CD300E: variants seen among roughly 807,000 people sequenced by gnomAD.
The protein encoded by CD300E is CD300e molecule, also known as CMRF35-like molecule 2.
A neutral mutation model predicts 20.9 loss-of-function variants in CD300E; 14 were observed. That is an observed-to-expected ratio of 0.67 (90% confidence interval 0.44 to 1.05). The LOEUF (loss-of-function observed/expected upper bound fraction) is 1.05, where lower values mean the gene tolerates loss of function less well. Among genes scored for constraint, CD300E ranks in the 50% least tolerant of loss-of-function variants. CD300E has a pLI of 0.00. For synonymous variants in CD300E, 102 were observed against 103.7 expected (o/e 0.98, Z 0.10); for missense variants, 237 against 253.9 (o/e 0.93, Z 0.45).
chr17:74,617,349 G>A lies in CD300E; in HGVS notation c.157C>T (p.Gln53Ter), dbSNP rs1277967401. Residue 53 changes from glutamine to a stop codon, truncating the protein, a stop_gained, in exon 2 of 4, where the codon CAG (glutamine) becomes TAG (stop). Transcript: ENST00000392619. LOFTEE classifies it high-confidence loss of function. ...ATGCTCTCACATGACGTGTCGTACT[G>A]TCCTCGGCACCAGTACTTGTTATAT... ...KGYNKYWCRG[Q>*]YDTSCESIVE... The A allele has an allele frequency of 1.2e-6, 2 of 1,614,000 alleles. No homozygotes were observed. The highest frequency in any genetic ancestry group is 3.3e-5 in the Admixed American group (2 of 59,990).
At chr17:74,613,024 C>T (rs931708140) in intron 3 of CD300E, among the ~76,000 whole-genome samples, 10 of 152,194 alleles carry the variant, frequency 6.6e-5, no homozygotes, top group African/African-American at 1.9e-4. Flanking sequence ...TCCAGGAGTG[C>T]GCTCCACAGC....
intron 1 of CD300E, chr17:74,619,262 T>C: frequency 2.4e-6 from 1 of 408,380 alleles, no homozygotes; most frequent in Admixed American, 2.6e-5. Flanking sequence ...AGCCGGGGCC[T>C]GCTTGTGCTG....
chr17:74,612,871 T>C (rs980501263), intron 3 of CD300E, 98 bp from the exon 4 acceptor site: 1 of 1,511,144 alleles, frequency 6.6e-7, no homozygotes. Context: ...GGAGCCCAAA[T>C]AACCCAGGAG....
rs1418736088 is a variant in CD300E at position 74,611,524 on chromosome 17, G to A, written c.*1129C>T. 2.0e-5 allele frequency: 3 copies of A among 152,272 alleles called. No individual in the cohort carries two copies. Among genetic ancestry groups the A allele is most frequent in the African/African-American group, 7.2e-5 (3 of 41,450 alleles). 9.4% of individuals were successfully genotyped at this position (152,272 alleles called of 1,614,324 possible). ...CAGAAAACCAACTGAGCTCATTCCCGAGCCAGGGGTCACCAGTAGTGGTGA... is the reference window on the plus strand; with the variant it reads ...CAGAAAACCAACTGAGCTCATTCCCAAGCCAGGGGTCACCAGTAGTGGTGA... On this transcript the variant is annotated 3_prime_UTR_variant, in exon 4 of 4. Coordinates refer to ENST00000392619, the MANE Select transcript of CD300E (RefSeq NM_181449.3).
chr17:74,613,897 C>T (rs760695257), intron 3 of CD300E, 28 bp downstream of exon 3: 1 of 1,555,022 alleles, frequency 6.4e-7, no homozygotes, highest in South Asian at 1.1e-5. Context: ...GTTGCTCCCT[C>T]CATGGCCTCC....
chr17:74,623,716 G>T lies in CD300E; in HGVS notation c.-95C>A. Reference sequence around the variant, plus strand: ...AGCCTGGGTCATCCACTTTCTACTTGTCCAAGTTTCCTTTGTGTTCTCACT... The same window carrying T: ...AGCCTGGGTCATCCACTTTCTACTTTTCCAAGTTTCCTTTGTGTTCTCACT... On this transcript the variant is annotated 5_prime_UTR_variant, in exon 1 of 4. Transcript: ENST00000392619. 1.5e-6 allele frequency: 2 copies of T among 1,329,072 alleles called. No individual in the cohort carries two copies. Among genetic ancestry groups the T allele is most frequent in the South Asian group, 1.2e-5 (1 of 85,292 alleles). The allele number at this position is 1,329,072 out of a possible 1,614,324, so 82.3% of individuals were successfully genotyped here.
At chr17:74,619,549 A>T (rs753553708) in intron 1 of CD300E, among the ~76,000 whole-genome samples, 1 of 151,978 alleles carries the variant, frequency 6.6e-6, no homozygotes, top group Non-Finnish European at 1.5e-5. Flanking sequence ...CACTCTCCTG[A>T]TTACAACCTG....
At position 74,612,574 on chromosome 17, in the gene CD300E, C is replaced by T; in HGVS notation, c.*79G>A. Reference sequence around the variant, plus strand: ...CCCTCCAGAGTCCACAGGTCTCTCGCATCCAGTCTGAAAGGTTGACTCCCT... The same window carrying T: ...CCCTCCAGAGTCCACAGGTCTCTCGTATCCAGTCTGAAAGGTTGACTCCCT... On this transcript the variant is annotated 3_prime_UTR_variant, in exon 4 of 4. Coordinates refer to ENST00000392619, the MANE Select transcript of CD300E (RefSeq NM_181449.3). 1.9e-6 allele frequency: 3 copies of T among 1,565,534 alleles called. No homozygotes were observed. Among genetic ancestry groups the T allele is most frequent in the Non-Finnish European group, 2.6e-6 (3 of 1,156,156 alleles).
intron 1 of CD300E, chr17:74,618,973 C>G: frequency 2.3e-6 from 1 of 429,876 alleles, no homozygotes; most frequent in South Asian, 1.7e-5. Context: ...CTTCCTCGCT[C>G]TGGATGCTGT....
Position 74,617,459 on chromosome 17 carries a change from A to C in CD300E, c.47T>G (p.Leu16Trp). 3 of 1,611,510 alleles carry C rather than the reference A, an allele frequency of 1.9e-6. No individual in the cohort carries two copies. Among genetic ancestry groups the C allele is most frequent in the Non-Finnish European group, 2.5e-6 (3 of 1,179,260 alleles). Residue 16 changes from leucine to tryptophan, a missense_variant, in exon 2 of 4, where the codon TTG (leucine) becomes TGG (tryptophan). Leu to Trp is a moderately conservative substitution (Grantham distance 61). Coordinates refer to ENST00000392619, the MANE Select transcript of CD300E (RefSeq NM_181449.3). ...ALLLLCLSGC[L>W]SLKGPGSVTG... ...CACAGAGCCGGGGCCCTTCAGAGAC[A>C]AACAGCCTGGAAAACACAAGCCCGA... is the stretch of plus-strand genomic sequence containing the variant.
rs1373180572 is a variant in CD300E, at chr17:74,611,255, TG to T, written c.*1397del. On this transcript the variant is annotated 3_prime_UTR_variant, in exon 4 of 4. Coordinates refer to ENST00000392619, the MANE Select transcript of CD300E (RefSeq NM_181449.3). ...CCCTAGTCACCATGCATGATGGAGC[TG>T]GGAGCCCCACCAGAGCTCAAGTTCA... is the stretch of plus-strand genomic sequence containing the variant. 3 of 152,312 alleles carry T rather than the reference TG, an allele frequency of 2.0e-5. No individual in the cohort carries two copies. Among genetic ancestry groups the T allele is most frequent in the Admixed American group, 1.3e-4 (2 of 15,288 alleles). The allele number at this position is 152,312 out of a possible 1,614,324, so 9.4% of individuals were successfully genotyped here. A position where few individuals can be genotyped will look rare whatever the true frequency, so the allele number is the denominator to read the frequency against.
rs2030799737 is a variant in CD300E at position 74,612,252 on chromosome 17, T to TCG, written c.*400_*401insCG. On this transcript the variant is annotated 3_prime_UTR_variant, in exon 4 of 4. Transcript: ENST00000392619. The stretch of plus-strand genomic sequence containing the variant: ...CTCTCTCTCTCTCTCTCTCTGTCTC[T>TCG]CTCTCTCTCTCTCTCTCTCTCTCTC... The TCG allele has an allele frequency of 1.0e-5, 1 of 96,896 alleles. No individual in the cohort carries two copies. Among genetic ancestry groups the TCG allele is most frequent in the South Asian group, 3.4e-4 (1 of 2,938 alleles). 6.0% of individuals were successfully genotyped at this position (96,896 alleles called of 1,614,324 possible). A position where few individuals can be genotyped will look rare whatever the true frequency, so the allele number is the denominator to read the frequency against.
chr17:74,613,019 G>C (rs1281565687), intron 3 of CD300E, among the ~76,000 whole-genome samples: 1 of 152,158 alleles, frequency 6.6e-6, no homozygotes, highest in Non-Finnish European at 1.5e-5. Context: ...CCACTTCCAG[G>C]AGTGCGCTCC....
intron 1 of CD300E, among the ~76,000 whole-genome samples, chr17:74,622,576 A>G (rs2031043987): frequency 6.6e-6 from 1 of 152,150 alleles, no homozygotes; most frequent in African/African-American, 2.4e-5. Flanking sequence ...TTTAGCCTAA[A>G]TTTATTTCCC....
chr17:74,618,449 C>T (rs1292233700), intron 1 of CD300E, among the ~76,000 whole-genome samples: 1 of 152,148 alleles, frequency 6.6e-6, no homozygotes, highest in African/African-American at 2.4e-5. Context: ...TGAATACGCG[C>T]AGGGGCCACG....
intron 3 of CD300E, 108 bp from the exon 4 acceptor site, chr17:74,612,881 G>A (rs1951893693): frequency 2.0e-6 from 3 of 1,471,778 alleles, no homozygotes; most frequent in Middle Eastern, 1.8e-4. Flanking sequence ...TAACCCAGGA[G>A]CAGCCAGGGA....
rs887190322 is a variant in CD300E, at chr17:74,611,830, G to T, written c.*823C>A. On this transcript the variant is annotated 3_prime_UTR_variant, in exon 4 of 4. Coordinates refer to ENST00000392619, the MANE Select transcript of CD300E (RefSeq NM_181449.3). ...CTTTAACCTGGAGCAGCTCATCCAC[G>T]GCCCACCCAGGCAGAGATGTTCTGA... 6.6e-6 allele frequency: 1 copy of T among 152,300 alleles called. No homozygotes were observed. Among genetic ancestry groups the T allele is most frequent in the Non-Finnish European group, 1.5e-5 (1 of 68,118 alleles). 9.4% of individuals were successfully genotyped at this position (152,300 alleles called of 1,614,324 possible). A position where few individuals can be genotyped will look rare whatever the true frequency, so the allele number is the denominator to read the frequency against.
chr17:74,614,901 G>T (rs1032077140), intron 2 of CD300E, among the ~76,000 whole-genome samples: 2 of 152,158 alleles, frequency 1.3e-5, no homozygotes, highest in African/African-American at 4.8e-5. Context: ...ATTGCCACTG[G>T]ACTCCCAGCT....
chr17:74,616,468 G>A (rs900591171), intron 2 of CD300E, among the ~76,000 whole-genome samples: 12 of 152,192 alleles, frequency 7.9e-5, no homozygotes, highest in African/African-American at 2.9e-4. Flanking sequence ...AATGGCAGAG[G>A]TTGGAGTGGA....
Sources: gnomAD v4.1 joint callset for allele counts (sites outside exome capture counted in the v4.1 genomes callset) on GRCh38, gnomAD v4.1.1 for gene constraint, MANE v1.5 for transcripts, NCBI Gene and HGNC (gene_info 2026-07-23, HGNC 2026-07-21) for gene names.